The following HNRNPD variants were observed in gnomAD, a reference collection of about 807,000 sequenced individuals.
HNRNPD encodes the protein heterogeneous nuclear ribonucleoprotein D, also known as heterogeneous nuclear ribonucleoprotein D0.
A neutral mutation model predicts 47.9 loss-of-function variants in HNRNPD; 3 were observed. The observed-to-expected ratio is 0.06, with a 90% CI of 0.03 to 0.16. The LOEUF (loss-of-function observed/expected upper bound fraction) is 0.16, where lower values mean the gene tolerates loss of function less well. Among genes scored for constraint, HNRNPD ranks in the 10% least tolerant of loss-of-function variants. The probability of loss-of-function intolerance (pLI) is 1.00; values close to 1 mark genes in which losing one functional copy is unlikely to be tolerated. For synonymous variants in HNRNPD, 171 were observed against 165.1 expected, an observed-to-expected ratio of 1.04 and a Z score of -0.28; for missense variants, 287 against 454.2, an observed-to-expected ratio of 0.63 and a Z score of 3.35.
rs752486162 is a variant in HNRNPD at position 82,373,474 on chromosome 4, C to T, written c.205G>A (p.Asp69Asn). 5 of 1,562,358 alleles carry T rather than the reference C, an allele frequency of 3.2e-6. No individual in the cohort carries two copies. The highest frequency in any genetic ancestry group is 4.3e-6 in the Non-Finnish European group (5 of 1,152,514). ...TCATCCTCCTCGTTCTTACTGGCGT[C>T]AATCTTCGCCCCCTCCGACTCGGCG... is the stretch of plus-strand genomic sequence containing the variant. ...GSAESEGAKIDASKNEEDEGH... is the reference protein window; with the variant it reads ...GSAESEGAKINASKNEEDEGH... Residue 69 changes from aspartate to asparagine, a missense_variant, in exon 1 of 9, where the codon GAC becomes AAC. Physicochemically the swap from Asp to Asn is conservative, Grantham distance 23. Coordinates refer to ENST00000313899, the MANE Select transcript of HNRNPD (RefSeq NM_031370.3).
chr4:82,355,608 T>C (rs1723682248), intron 7 of HNRNPD: 1 of 561,820 alleles, frequency 1.8e-6, no homozygotes, highest in Middle Eastern at 4.7e-4. Flanking sequence ...AGCTGATTAC[T>C]TGACTTATTG....
intron 4 of HNRNPD, 117 bp from the exon 5 acceptor site, chr4:82,357,561 T>C: frequency 3.8e-6 from 3 of 793,206 alleles, no homozygotes; most frequent in Non-Finnish European, 5.7e-6. Context: ...ACTGAAGTTC[T>C]AGTCTCCTGT....
chr4:82,364,944 A>G (rs1719677672), intron 2 of HNRNPD, among the ~76,000 whole-genome samples: 1 of 152,066 alleles, frequency 6.6e-6, no homozygotes, highest in Non-Finnish European at 1.5e-5. Flanking sequence ...ATTCCAAGAT[A>G]CCTCCCCTAA....
chr4:82,357,453 A>G lies in HNRNPD; in HGVS notation c.622-9T>C. 1 of 1,589,098 alleles carries G rather than the reference A, an allele frequency of 6.3e-7. No homozygotes were observed. Among genetic ancestry groups the G allele is most frequent in the Non-Finnish European group, 8.5e-7 (1 of 1,173,156 alleles). On this transcript the variant is annotated splice_polypyrimidine_tract_variant and intron_variant, in intron 4 of 8. Transcript: ENST00000313899. ...AGCTCTATGGATTCCACCTGGTATT[A>G]AAAAACAAATTTTAATATGCTAACA...
chr4:82,370,724 C>T (rs926696490), intron 2 of HNRNPD, among the ~76,000 whole-genome samples: 1 of 152,150 alleles, frequency 6.6e-6, no homozygotes, highest in Non-Finnish European at 1.5e-5. Context: ...TGGCCTTCTA[C>T]TCTCCAGTGG....
intron 2 of HNRNPD, 115 bp from the exon 3 acceptor site, chr4:82,359,754 C>T: frequency 1.8e-6 from 1 of 562,682 alleles, no homozygotes; most frequent in East Asian, 3.0e-5. Context: ...TATATTAAAA[C>T]ATCATTCTTC....
In HNRNPD at chr4:82,373,834, G is replaced by A; in HGVS notation, c.-156C>T. 3 of 1,464,286 alleles carry A rather than the reference G, an allele frequency of 2.0e-6. No homozygotes were observed. The highest frequency in any genetic ancestry group is 4.3e-5 in the Admixed American group (2 of 46,178). 90.7% of individuals were successfully genotyped at this position (1,464,286 alleles called of 1,614,324 possible). ...CGCGCGCGTGGCTGCAAAGGCTCCT[G>A]CGCCTCTCCCTGGCCTGCCCCCTTC... On this transcript the variant is annotated 5_prime_UTR_variant, in exon 1 of 9. Transcript: ENST00000313899.
intron 5 of HNRNPD, among the ~76,000 whole-genome samples, 179 bp from the exon 6 acceptor site, chr4:82,357,074 T>C (rs771207522): frequency 6.6e-6 from 1 of 152,222 alleles, no homozygotes; most frequent in Non-Finnish European, 1.5e-5. Context: ...TATGAGTACT[T>C]GCTAGTGATG....
At chr4:82,355,572 G>T (rs1723680379) in intron 7 of HNRNPD, 171 bp from the exon 8 acceptor site, 1 of 593,056 alleles carries the variant, frequency 1.7e-6, no homozygotes, top group Admixed American at 3.1e-5. Flanking sequence ...TGTAGTGAAT[G>T]CATACAATGG....
At chr4:82,373,198 C>T (rs763965622) in intron 1 of HNRNPD, 5 of 689,120 alleles carry the variant, frequency 7.3e-6, no homozygotes, top group Non-Finnish European at 1.3e-5. Flanking sequence ...GAGGGCGGGC[C>T]GAGGAGCAGC....
intron 2 of HNRNPD, among the ~76,000 whole-genome samples, chr4:82,362,598 TTC>T (rs1422748334): frequency 6.6e-6 from 1 of 152,204 alleles, no homozygotes; most frequent in African/African-American, 2.4e-5. Flanking sequence ...TTCCATCTTT[TTC>T]TGTTTTTGGT....
At chr4:82,371,474 ATAT>A (rs966815042) in intron 2 of HNRNPD, 51 bp downstream of exon 2, 8 of 1,384,640 alleles carry the variant, frequency 5.8e-6, no homozygotes, top group African/African-American at 5.8e-5. Context: ...CAGCCTCTAC[ATAT>A]TATGACTACT....
At position 82,352,639 on chromosome 4, in the gene HNRNPD, G is replaced by C. The variant is rs1723544527; in HGVS notation, c.*1546C>G. The C allele has an allele frequency of 6.6e-6, 1 of 152,160 alleles. No individual in the cohort carries two copies. 9.4% of individuals were successfully genotyped at this position (152,160 alleles called of 1,614,324 possible). A position where few individuals can be genotyped will look rare whatever the true frequency, so the allele number is the denominator to read the frequency against. On this transcript the variant is annotated 3_prime_UTR_variant, in exon 9 of 9. Transcript: ENST00000313899. ...CAGCAAACTTTTCTGTAAAGGGCCA[G>C]ACTGTAAATTATTTTGCTTTGCAGG...
rs1720241658 is a variant in HNRNPD at position 82,373,569 on chromosome 4, G to GCCCCCTGTGTCGCCGCCA, written c.92_109dup (p.Val31_Gly36dup). The GCCCCCTGTGTCGCCGCCA allele has an allele frequency of 1.3e-6, 2 of 1,537,052 alleles. No individual in the cohort carries two copies. Among genetic ancestry groups the GCCCCCTGTGTCGCCGCCA allele is most frequent in the Non-Finnish European group, 1.7e-6 (2 of 1,143,328 alleles). On this transcript the variant is annotated inframe_insertion, in exon 1 of 9. Transcript: ENST00000313899. ...GGCTCCGCTTCCCGCCGCCGCCGCTGCCCCCTGTGTCGCCGCCACCATGGC... is the reference window on the plus strand; with the variant it reads ...GGCTCCGCTTCCCGCCGCCGCCGCTGCCCCCTGTGTCGCCGCCACCCCCTGTGTCGCCGCCACCATGGC...
intron 6 of HNRNPD, 27 bp downstream of exon 6, chr4:82,356,765 TAAGA>T (rs1723727017): frequency 1.2e-6 from 2 of 1,612,496 alleles, no homozygotes; most frequent in East Asian, 2.2e-5. Flanking sequence ...CAGAAAAGCT[TAAGA>T]TAGAGTAAAC....
intron 1 of HNRNPD, chr4:82,373,225 G>T (rs1720170105): frequency 1.4e-6 from 1 of 728,526 alleles, no homozygotes; most frequent in Non-Finnish European, 2.4e-6. Context: ...ACGGCTAAAG[G>T]TGGAAACGTG....
intron 2 of HNRNPD, among the ~76,000 whole-genome samples, chr4:82,362,150 A>C (rs1323987857): frequency 6.6e-6 from 1 of 152,222 alleles, no homozygotes; most frequent in Non-Finnish European, 1.5e-5. Flanking sequence ...ACTATGGCTC[A>C]GACATCACTA....
intron 2 of HNRNPD, among the ~76,000 whole-genome samples, chr4:82,360,644 CTTT>C (rs1253074262): frequency 1.3e-5 from 2 of 152,016 alleles, no homozygotes; most frequent in East Asian, 3.9e-4. Flanking sequence ...ATTTTCTCTT[CTTT>C]TTAACTGGGG....
intron 8 of HNRNPD, chr4:82,355,003 T>A: frequency 2.8e-6 from 1 of 350,946 alleles, no homozygotes; most frequent in Non-Finnish European, 5.2e-6. Context: ...AAGTTCCCGC[T>A]GGCGGGTACA....
Sources: allele counts gnomAD v4.1 joint callset (sites outside exome capture counted in the v4.1 genomes callset), GRCh38; gene constraint gnomAD v4.1.1; transcripts MANE v1.5; gene names NCBI Gene and HGNC (gene_info 2026-07-23, HGNC 2026-07-21).